The following C2orf42 variants were observed in gnomAD, a reference collection of about 807,000 sequenced individuals.
C2orf42 encodes the protein chromosome 2 open reading frame 42, also known as uncharacterized protein C2orf42.
Under a neutral mutation model 58.9 loss-of-function variants are expected in C2orf42, and 44 were observed. The ratio of observed to expected loss-of-function variants is 0.75; its 90% CI spans 0.59 to 0.96. The LOEUF is 0.96. Among genes scored for constraint, C2orf42 ranks in the 40% least tolerant of loss-of-function variants. The pLI is 0.00. For missense variants in C2orf42, 630 were observed against 699.2 expected (o/e 0.90, Z 1.12); for synonymous variants, 239 against 265.4 (o/e 0.90, Z 0.97).
chr2:70,181,978 G>T lies in C2orf42; in HGVS notation c.8C>A (p.Pro3Gln), dbSNP rs747293339. The change falls in exon 3 of 10, where the codon CCA becomes CAA. Residue 3 changes from proline (P) to glutamine (Q), a missense_variant. Physicochemically the swap from Pro to Gln is moderately conservative, Grantham distance 76. Transcript: ENST00000264434. ...TGGGACTTTAGTCCTCAGAGAATTT[G>T]GTTCCATTTTTCAGAGGCCCTACAA... ME[P>Q]NSLRTKVPAF... The T allele has an allele frequency of 1.2e-6, 2 of 1,603,368 alleles. No homozygotes were observed. Among genetic ancestry groups the T allele is most frequent in the Non-Finnish European group, 1.7e-6 (2 of 1,172,386 alleles).
intron 6 of C2orf42, among the ~76,000 whole-genome samples, chr2:70,165,887 T>C (rs955809263): frequency 4.0e-5 from 6 of 151,568 alleles, no homozygotes; most frequent in African/African-American, 1.5e-4. Flanking sequence ...ACCCAGTGTC[T>C]ATAAAAAAAA....
intron 1 of C2orf42, among the ~76,000 whole-genome samples, chr2:70,183,869 G>C (rs1674749710): frequency 6.6e-6 from 1 of 152,002 alleles, no homozygotes; most frequent in Non-Finnish European, 1.5e-5. Context: ...GCAGTGGTGT[G>C]ATCACAGCTT....
intron 6 of C2orf42, among the ~76,000 whole-genome samples, chr2:70,167,949 T>A (rs1269138734): frequency 6.6e-6 from 1 of 151,542 alleles, no homozygotes; most frequent in Non-Finnish European, 1.5e-5. Flanking sequence ...TTCTGTTTTC[T>A]GGGCTGGGCA....
chr2:70,168,721 T>TA (rs2104905179), intron 6 of C2orf42, among the ~76,000 whole-genome samples: 1 of 79,638 alleles, frequency 1.3e-5, no homozygotes, highest in East Asian at 2.6e-4. Context: ...TTTATGTCCC[T>TA]TTTTTTTTTT....
chr2:70,150,989 C>T (rs997031687), intron 9 of C2orf42, among the ~76,000 whole-genome samples: 8 of 152,180 alleles, frequency 5.3e-5, no homozygotes, highest in African/African-American at 1.9e-4. Context: ...TGTGATCCGC[C>T]CACCTCAGAC....
intron 3 of C2orf42, among the ~76,000 whole-genome samples, chr2:70,179,898 C>T (rs929936173): frequency 2.6e-5 from 4 of 151,844 alleles, no homozygotes; most frequent in African/African-American, 9.7e-5. Flanking sequence ...GTGATTATGT[C>T]ACTGCATGCC....
At position 70,189,943 on chromosome 2, in the gene C2orf42, GA is replaced by G. The variant is rs535557067; in HGVS notation, c.-282+1029del. 7.4e-3 allele frequency among the ~76,000 whole-genome samples: 1,023 copies of G among 137,724 alleles called. 7 individuals are homozygous for G. Among genetic ancestry groups the G allele is most frequent in the African/African-American group, 7.6e-3 (293 of 38,476 alleles). The allele number at this position is 137,724 out of a possible 152,430, so 90.4% of individuals were successfully genotyped here. ...TATTCTTGGTTTTACTCTTTTAAAA[GA>G]AAAAAAAAAAGACGAGAGATACACA... On this transcript the variant is annotated intron_variant, in intron 1 of 9. Transcript: ENST00000264434.
At chr2:70,183,539 C>T (rs113303871) in intron 1 of C2orf42, among the ~76,000 whole-genome samples, 5,150 of 151,384 alleles carry the variant, frequency 0.034, 114 homozygotes, top group Middle Eastern at 0.061. Context: ...AAGCGATTCT[C>T]CTGCCTCAGC....
At chr2:70,190,542 C>G (rs1368084447) in intron 1 of C2orf42, 1 of 152,240 alleles carries the variant, frequency 6.6e-6, no homozygotes, top group African/African-American at 2.4e-5. Context: ...AGGTAACTCA[C>G]AAACGTGGGT....
At chr2:70,179,102 G>C (rs1484551808) in intron 4 of C2orf42, among the ~76,000 whole-genome samples, 1 of 152,074 alleles carries the variant, frequency 6.6e-6, no homozygotes, top group African/African-American at 2.4e-5. Context: ...TCCTAAGGCA[G>C]ATTAAGGTAT....
At chr2:70,165,462 A>G in intron 7 of C2orf42, 66 bp downstream of exon 7, 1 of 944,248 alleles carries the variant, frequency 1.1e-6, no homozygotes, top group South Asian at 1.3e-5. Context: ...TTCCACACAG[A>G]TTTTTTCCAA....
At chr2:70,165,335 T>A (rs1673325561) in intron 7 of C2orf42, 143 bp from the exon 8 acceptor site, 2 of 642,306 alleles carry the variant, frequency 3.1e-6, no homozygotes, top group Admixed American at 3.0e-5. Flanking sequence ...GAGGCAAATA[T>A]ATAAAAGGTT....
At chr2:70,159,892 T>C in intron 9 of C2orf42, among the ~76,000 whole-genome samples, 1 of 152,122 alleles carries the variant, frequency 6.6e-6, no homozygotes, top group East Asian at 1.9e-4. Context: ...TAATATTAAG[T>C]ATATTAAAAC....
chr2:70,157,470 C>G (rs1032196569), intron 9 of C2orf42, among the ~76,000 whole-genome samples: 20 of 150,462 alleles, frequency 1.3e-4, no homozygotes, highest in African/African-American at 4.7e-4. Flanking sequence ...AACAAACAAA[C>G]AAACAAACAA....
chr2:70,187,439 G>C (rs1675020862), intron 1 of C2orf42, among the ~76,000 whole-genome samples: 1 of 151,844 alleles, frequency 6.6e-6, no homozygotes, highest in Non-Finnish European at 1.5e-5. Flanking sequence ...TTTTAGTAGA[G>C]ACAGGGTTTC....
chr2:70,159,828 GC>G (rs1672942873), intron 9 of C2orf42, among the ~76,000 whole-genome samples: 1 of 152,054 alleles, frequency 6.6e-6, no homozygotes. Context: ...AAGCCACTGT[GC>G]CCAGCTTTCA....
chr2:70,157,666 A>ATAG (rs2104845168), intron 9 of C2orf42, among the ~76,000 whole-genome samples: 1 of 150,876 alleles, frequency 6.6e-6, no homozygotes, highest in Non-Finnish European at 1.5e-5. Flanking sequence ...GTGTGGTGGC[A>ATAG]TACGCCTGTA....
intron 1 of C2orf42, among the ~76,000 whole-genome samples, chr2:70,186,519 A>C (rs1231438681): frequency 6.6e-6 from 1 of 152,210 alleles, no homozygotes; most frequent in East Asian, 1.9e-4. Flanking sequence ...GGGACTATAA[A>C]CTAGTTCAAC....
chr2:70,166,656 A>G (rs1673426935), intron 6 of C2orf42, among the ~76,000 whole-genome samples: 1 of 152,100 alleles, frequency 6.6e-6, no homozygotes. Context: ...AGCTTGGGCA[A>G]CAGGGTGAGA....
Sources: allele counts gnomAD v4.1 joint callset (sites outside exome capture counted in the v4.1 genomes callset), GRCh38; gene constraint gnomAD v4.1.1; transcripts MANE v1.5; gene names NCBI Gene and HGNC (gene_info 2026-07-23, HGNC 2026-07-21).